Variants in ANTXRL observed in about 807,000 individuals in gnomAD.
ANTXRL encodes the protein anthrax toxin receptor-like.
ANTXRL carries 63 observed loss-of-function variants against 75.4 expected under a neutral mutation model. The observed-to-expected ratio is 0.84, with a 90% CI of 0.68 to 1.03. ANTXRL has a LOEUF of 1.03. ANTXRL is among the 50% of genes least tolerant of loss of function. ANTXRL has a pLI of 0.00. For synonymous variants in ANTXRL, 335 were observed against 291.3 expected (o/e 1.15, Z -1.53); for missense variants, 797 against 789.4 (o/e 1.01, Z -0.12).
At chr10:46,327,965 A>G (rs782150226) in intron 16 of ANTXRL, among the ~76,000 whole-genome samples, 13 of 152,172 alleles carry the variant, frequency 8.5e-5, no homozygotes, top group African/African-American at 1.4e-4. Context: ...GAGGCAAAGT[A>G]GCATATGCCC....
chr10:46,323,487 T>A (rs1839074846), intron 16 of ANTXRL, among the ~76,000 whole-genome samples: 1 of 152,164 alleles, frequency 6.6e-6, no homozygotes, highest in Non-Finnish European at 1.5e-5. Context: ...AGATGCTAGA[T>A]GGCTTGCTGA....
intron 16 of ANTXRL, among the ~76,000 whole-genome samples, chr10:46,317,816 A>C (rs1838807421): frequency 6.6e-6 from 1 of 152,158 alleles, no homozygotes. Context: ...ATTGTTTGCC[A>C]ATCACTTCAG....
At chr10:46,301,725 A>G (rs1373067899) in intron 9 of ANTXRL, among the ~76,000 whole-genome samples, 6 of 152,236 alleles carry the variant, frequency 3.9e-5, no homozygotes, top group Non-Finnish European at 7.3e-5. Context: ...CTCAGAAAGC[A>G]TGTCGGTAGG....
chr10:46,318,145 G>A (rs1337882916), intron 16 of ANTXRL, among the ~76,000 whole-genome samples: 3 of 152,078 alleles, frequency 2.0e-5, no homozygotes, highest in Non-Finnish European at 2.9e-5. Context: ...GTCCTGCTCC[G>A]GAGGATCCCT....
In ANTXRL at chr10:46,329,671, C is replaced by G. The variant is rs1406941301; in HGVS notation, c.1483C>G (p.Pro495Ala). The change falls in exon 17 of 17, where the codon CCA becomes GCA. Residue 495 changes from proline to alanine, a missense_variant. Pro to Ala is a conservative substitution (Grantham distance 27). This residue lies in a region of ANTXRL where 479 missense variants were observed against 422.0 expected (regional missense o/e 1.14). Coordinates refer to ENST00000620264, the MANE Select transcript of ANTXRL (RefSeq NM_001278688.3). ...QAPCCPRICFPHSQECLSLPQ... is the reference protein window; with the variant it reads ...QAPCCPRICFAHSQECLSLPQ... ...TCCCTGCTGCCCAAGGATCTGCTTTCCACACAGCCAGGAGTGCCTTTCCCT... is the reference window on the plus strand; with the variant it reads ...TCCCTGCTGCCCAAGGATCTGCTTTGCACACAGCCAGGAGTGCCTTTCCCT... The G allele has an allele frequency of 3.5e-5, 53 of 1,535,638 alleles. 1 individual carries two copies. The Admixed American group carries it at 1.0e-3, about 30-fold the overall frequency.
intron 14 of ANTXRL, 102 bp downstream of exon 14, chr10:46,310,601 G>A (rs1388108021): frequency 3.2e-6 from 4 of 1,264,256 alleles, no homozygotes; most frequent in South Asian, 2.6e-5. Flanking sequence ...CCATCTGCTT[G>A]AGCAGAGAAG....
chr10:46,293,239 T>C (rs12770509), intron 2 of ANTXRL: 6,152 of 154,046 alleles, frequency 0.04, 140 homozygotes, highest in Admixed American at 0.057. Context: ...TGAGTGTGTA[T>C]GCATGTGTGT....
chr10:46,302,643 A>G (rs1837824602), intron 9 of ANTXRL, 79 bp from the exon 10 acceptor site: 1 of 1,052,620 alleles, frequency 9.5e-7, no homozygotes, highest in Non-Finnish European at 1.4e-6. Flanking sequence ...TTGGGGGTGG[A>G]TCTCCAGGAA....
intron 2 of ANTXRL, among the ~76,000 whole-genome samples, chr10:46,293,461 A>G (rs1365970624): frequency 7.3e-6 from 1 of 136,794 alleles, no homozygotes; most frequent in Non-Finnish European, 1.5e-5. Flanking sequence ...TGCATGTGTG[A>G]GTGTGTGTGT....
chr10:46,329,939 T>TC lies in ANTXRL; in HGVS notation c.1756dup (p.Leu586ProfsTer13). ...TGCCTTCAACCCAGCCGGGAGTGCC[T>TC]CCCCCTCACCTGCTCCTCCAGGTGC... is the stretch of plus-strand genomic sequence containing the variant. On this transcript the variant is annotated frameshift_variant, in exon 17 of 17. Coordinates refer to ENST00000620264, the MANE Select transcript of ANTXRL (RefSeq NM_001278688.3). LOFTEE classifies it high-confidence loss of function. The TC allele has an allele frequency of 2.6e-6, 4 of 1,534,880 alleles. No homozygotes were observed. Among genetic ancestry groups the TC allele is most frequent in the Non-Finnish European group, 3.5e-6 (4 of 1,146,494 alleles).
intron 16 of ANTXRL, among the ~76,000 whole-genome samples, chr10:46,315,822 G>T (rs1184031049): frequency 6.6e-6 from 1 of 152,130 alleles, no homozygotes; most frequent in East Asian, 1.9e-4. Context: ...ATTCTCCAAG[G>T]CTCAGTTTAC....
intron 16 of ANTXRL, among the ~76,000 whole-genome samples, chr10:46,314,777 A>G (rs1554964366): frequency 6.6e-6 from 1 of 152,136 alleles, no homozygotes; most frequent in African/African-American, 2.4e-5. Context: ...CTGTTTTACT[A>G]ATGGCAAAAT....
At chr10:46,298,277 T>C (rs1837508746) in intron 9 of ANTXRL, among the ~76,000 whole-genome samples, 2 of 151,758 alleles carry the variant, frequency 1.3e-5, no homozygotes, top group African/African-American at 4.8e-5. Context: ...TCTGGGAAGT[T>C]GTGCTGTGGG....
chr10:46,293,885 C>A lies in ANTXRL; in HGVS notation c.377C>A (p.Pro126Gln). ...TYSTDGQTVLPLTSDKNRIKN... is the reference protein window; with the variant it reads ...TYSTDGQTVLQLTSDKNRIKN... ...TCCACAGACGGCCAGACTGTCTTGC[C>A]ACTCACCTCAGACAAGTGAGTGCTG... Residue 126 changes from proline (P) to glutamine (Q), a missense_variant, in exon 3 of 17, where the codon CCA (proline) becomes CAA (glutamine). Pro to Gln is a moderately conservative substitution (Grantham distance 76). Around this residue, in one of 3 missense-constraint regions of ANTXRL, gnomAD observed 262 missense variants for 271.9 expected, o/e 0.96. Coordinates refer to ENST00000620264, the MANE Select transcript of ANTXRL (RefSeq NM_001278688.3). The A allele has an allele frequency of 6.5e-7, 1 of 1,535,706 alleles. No individual in the cohort carries two copies. Among genetic ancestry groups the A allele is most frequent in the Non-Finnish European group, 8.7e-7 (1 of 1,146,646 alleles).
At chr10:46,316,620 G>A (rs1422918943) in intron 16 of ANTXRL, among the ~76,000 whole-genome samples, 3 of 152,122 alleles carry the variant, frequency 2.0e-5, no homozygotes, top group African/African-American at 4.8e-5. Flanking sequence ...TGACCTGAGG[G>A]GAGGCTCATG....
Position 46,292,011 on chromosome 10 carries a change from C to T in ANTXRL, c.249-47C>T, listed in dbSNP as rs185232943. 390 of 1,510,362 alleles carry T rather than the reference C, an allele frequency of 2.6e-4. 1 individual carries two copies. The highest frequency in any genetic ancestry group is 4.3e-4 in the Admixed American group (22 of 50,938). The allele number at this position is 1,510,362 out of a possible 1,614,324, so 93.6% of individuals were successfully genotyped here. On this transcript the variant is annotated intron_variant, in intron 1 of 16. Coordinates refer to ENST00000620264, the MANE Select transcript of ANTXRL (RefSeq NM_001278688.3). ...GGGGGCGGGGCAGACACTTGCCCATCGGAGAGATGCACTCATCTCCCTGAC... is the reference window on the plus strand; with the variant it reads ...GGGGGCGGGGCAGACACTTGCCCATTGGAGAGATGCACTCATCTCCCTGAC...
chr10:46,291,567 T>C (rs1836984724), intron 1 of ANTXRL, among the ~76,000 whole-genome samples: 1 of 152,198 alleles, frequency 6.6e-6, no homozygotes, highest in Non-Finnish European at 1.5e-5. Context: ...TTCCATTTAT[T>C]GTGTCTTTAA....
chr10:46,310,057 G>A (rs1554963037), intron 13 of ANTXRL, among the ~76,000 whole-genome samples: 1 of 152,124 alleles, frequency 6.6e-6, no homozygotes. Flanking sequence ...GAGGAAGCCC[G>A]GGACTCAGCC....
chr10:46,320,371 C>T (rs1348281560), intron 16 of ANTXRL, among the ~76,000 whole-genome samples: 5 of 152,098 alleles, frequency 3.3e-5, no homozygotes, highest in Non-Finnish European at 7.3e-5. Flanking sequence ...CTCTACTGAC[C>T]CAATATAGGC....
Sources: allele counts gnomAD v4.1 joint callset (sites outside exome capture counted in the v4.1 genomes callset), GRCh38; gene constraint gnomAD v4.1.1; regional missense constraint gnomAD v4.1.1; transcripts MANE v1.5; gene names NCBI Gene and HGNC (gene_info 2026-07-23, HGNC 2026-07-21).